Variants in SMURF1 observed in about 807,000 individuals in gnomAD.
The protein encoded by SMURF1 is SMAD specific E3 ubiquitin protein ligase 1, also known as E3 ubiquitin-protein ligase SMURF1.
In SMURF1, 44 loss-of-function variants were observed where a neutral mutation model predicts 98.0. The observed-to-expected ratio is 0.45, with a 90% CI of 0.35 to 0.58. The LOEUF is 0.58. Ranked by LOEUF, SMURF1 falls within the 20% of genes least tolerant of loss-of-function variation. SMURF1 has a pLI of 0.00. For missense variants in SMURF1, 687 were observed against 938.4 expected, an observed-to-expected ratio of 0.73 and a Z score of 3.50; for synonymous variants, 396 against 374.9, an observed-to-expected ratio of 1.06 and a Z score of -0.65.
chr7:99,113,058 A>C (rs562083073), intron 1 of SMURF1, among the ~76,000 whole-genome samples: 4 of 152,202 alleles, frequency 2.6e-5, no homozygotes, highest in Non-Finnish European at 5.9e-5. Context: ...TAACATAAGC[A>C]TAATAGGAAT....
At chr7:99,031,700 C>T (rs928903833) in intron 17 of SMURF1, among the ~76,000 whole-genome samples, 3 of 152,238 alleles carry the variant, frequency 2.0e-5, no homozygotes, top group Admixed American at 2.0e-4. Flanking sequence ...GGACCAGCTG[C>T]ATTACCCCAT....
chr7:99,084,539 A>G (rs1312871090), intron 1 of SMURF1, among the ~76,000 whole-genome samples: 1 of 152,228 alleles, frequency 6.6e-6, no homozygotes, highest in Admixed American at 6.5e-5. Context: ...AGGGAACTAG[A>G]TATCAAGAAC....
chr7:99,038,659 C>T (rs1795249394), intron 13 of SMURF1, 134 bp from the exon 14 acceptor site: 11 of 979,930 alleles, frequency 1.1e-5, no homozygotes, highest in Admixed American at 2.8e-5. Flanking sequence ...ACAGAACCTG[C>T]GTGGGGGTGG....
rs186251522 is a variant in SMURF1 at position 99,065,098 on chromosome 7, T to C, written c.56-3261A>G. 4.9e-3 allele frequency among the ~76,000 whole-genome samples: 737 copies of C among 150,556 alleles called. 5 individuals carry two copies. Among genetic ancestry groups the C allele is most frequent in the Non-Finnish European group, 8.1e-3 (543 of 67,422 alleles). On this transcript the variant is annotated intron_variant, in intron 1 of 17. Transcript: ENST00000361368. ...TTTGATGCCTTTAAGTGAGTTGGGT[T>C]TTTTTTTTTTCTTTTTTGAGACAGA...
chr7:99,134,643 T>G (rs1247533591), intron 1 of SMURF1, among the ~76,000 whole-genome samples: 1 of 152,190 alleles, frequency 6.6e-6, no homozygotes, highest in East Asian at 1.9e-4. Context: ...AAAAAGTTCA[T>G]GGCAAACACA....
At chr7:99,066,894 T>C (rs938169995) in intron 1 of SMURF1, among the ~76,000 whole-genome samples, 8 of 152,056 alleles carry the variant, frequency 5.3e-5, no homozygotes, top group South Asian at 2.1e-4. Context: ...CCTACTAAAA[T>C]AGCTTTGTGA....
In SMURF1 at chr7:99,045,793, G is replaced by GT; in HGVS notation, c.1160dup (p.Tyr387Ter). 6.2e-7 allele frequency: 1 copy of GT among 1,612,676 alleles called. No individual in the cohort carries two copies. The highest frequency in any genetic ancestry group is 8.5e-7 in the Non-Finnish European group (1 of 1,178,700). The change falls in exon 11 of 18, where the codon TAC becomes TAAC. Residue 387 changes from tyrosine to a stop codon, truncating the protein, a stop_gained and frameshift_variant. Coordinates refer to ENST00000361368, the MANE Select transcript of SMURF1 (RefSeq NM_181349.3). LOFTEE classifies it high-confidence loss of function. ...VSREEIFEES[Y>*]RQIMKMRPKD... ...TCGGTCGCATCTTCATTATCTGGCGGTAAGACTCCTGAAGAGCAACATCAC... is the reference window on the plus strand; with the variant it reads ...TCGGTCGCATCTTCATTATCTGGCGGTTAAGACTCCTGAAGAGCAACATCAC...
At chr7:99,056,520 A>C (rs77651112) in intron 5 of SMURF1, among the ~76,000 whole-genome samples, 9,271 of 152,250 alleles carry the variant, frequency 0.061, 915 homozygotes, top group African/African-American at 0.21. Context: ...TATGCTTTTT[A>C]CATATATGAT....
At chr7:99,107,437 A>T (rs1797217553) in intron 1 of SMURF1, among the ~76,000 whole-genome samples, 1 of 152,216 alleles carries the variant, frequency 6.6e-6, no homozygotes, top group Non-Finnish European at 1.5e-5. Context: ...AGATAATAAA[A>T]TTTTTGTAAT....
chr7:99,117,851 A>G (rs12534243), intron 1 of SMURF1, among the ~76,000 whole-genome samples: 143,669 of 151,712 alleles, frequency 0.95, 68,436 homozygotes, highest in East Asian at 1. Flanking sequence ...AGGCCAAGGC[A>G]GGCGGACCAC....
intron 1 of SMURF1, among the ~76,000 whole-genome samples, chr7:99,099,209 C>CTT (rs57973305): frequency 2.2e-4 from 29 of 129,450 alleles, no homozygotes; most frequent in African/African-American, 7.5e-4. Flanking sequence ...AACACTACTA[C>CTT]TTTTTTTTTT....
chr7:99,137,508 C>T (rs888281151), intron 1 of SMURF1, among the ~76,000 whole-genome samples: 2 of 152,198 alleles, frequency 1.3e-5, no homozygotes, highest in Non-Finnish European at 1.5e-5. Context: ...ATACAAAGAA[C>T]GCAGGCTGCC....
chr7:99,045,558 G>A (rs1465665306), intron 11 of SMURF1, 140 bp downstream of exon 11: 6 of 659,970 alleles, frequency 9.1e-6, no homozygotes, highest in African/African-American at 1.8e-5. Flanking sequence ...TGAAGCCAGT[G>A]CATGATGGCC....
chr7:99,036,857 A>G (rs1208166769), intron 15 of SMURF1, among the ~76,000 whole-genome samples: 3 of 152,088 alleles, frequency 2.0e-5, no homozygotes, highest in African/African-American at 4.8e-5. Flanking sequence ...CAGATTTCCT[A>G]CCGCCAAGCA....
intron 5 of SMURF1, among the ~76,000 whole-genome samples, chr7:99,056,977 C>CAAA (rs11452990): frequency 6.5e-4 from 65 of 99,238 alleles, no homozygotes; most frequent in South Asian, 2.7e-3. Context: ...CACTCCATCT[C>CAAA]AAAAAAAAAA....
intron 1 of SMURF1, among the ~76,000 whole-genome samples, chr7:99,075,069 G>A (rs747945533): frequency 3.3e-5 from 5 of 152,148 alleles, no homozygotes; most frequent in Non-Finnish European, 4.4e-5. Flanking sequence ...GCAAGGAGGT[G>A]GAAGTAGCAG....
intron 6 of SMURF1, among the ~76,000 whole-genome samples, chr7:99,054,119 G>A (rs889995257): frequency 6.6e-6 from 1 of 151,692 alleles, no homozygotes; most frequent in African/African-American, 2.4e-5. Flanking sequence ...TTTATTTTTT[G>A]GTAGAGACAA....
Position 99,035,710 on chromosome 7 carries a change from T to C in SMURF1, c.1816A>G (p.Ile606Val). ...AAGTCTATTTTATCCAGGCCGCCTA[T>C]GATCAGCTGAGGAGGTGCAGAAAGG... ...PFDQKELELIIGGLDKIDLND... is the reference protein window; with the variant it reads ...PFDQKELELIVGGLDKIDLND... The change falls in exon 16 of 18, where the codon ATA becomes GTA. Residue 606 changes from isoleucine to valine, a missense_variant. By Grantham distance (29) the Ile-to-Val change is conservative. Around this residue, in one of 2 missense-constraint regions of SMURF1, gnomAD observed 272 missense variants for 430.0 expected, o/e 0.63. Transcript: ENST00000361368. 2 of 1,614,054 alleles carry C rather than the reference T, an allele frequency of 1.2e-6. No individual in the cohort carries two copies. Among genetic ancestry groups the C allele is most frequent in the Non-Finnish European group, 1.7e-6 (2 of 1,179,948 alleles).
At chr7:99,070,232 G>A (rs1162167998) in intron 1 of SMURF1, among the ~76,000 whole-genome samples, 2 of 152,150 alleles carry the variant, frequency 1.3e-5, no homozygotes, top group Non-Finnish European at 2.9e-5. Flanking sequence ...CCCCAAGGAC[G>A]AGGTGGGGAT....
Sources: allele counts gnomAD v4.1 joint callset (sites outside exome capture counted in the v4.1 genomes callset), GRCh38; gene constraint gnomAD v4.1.1; regional missense constraint gnomAD v4.1.1; transcripts MANE v1.5; gene names NCBI Gene and HGNC (gene_info 2026-07-23, HGNC 2026-07-21).